FOXK2: variants seen among roughly 807,000 people sequenced by gnomAD.
FOXK2 encodes forkhead box K2.
In FOXK2, 24 loss-of-function variants were observed where a neutral mutation model predicts 53.3. That is an observed-to-expected ratio of 0.45 (90% confidence interval 0.33 to 0.63). The LOEUF (loss-of-function observed/expected upper bound fraction) is 0.63, where lower values mean the gene tolerates loss of function less well. Among genes scored for constraint, FOXK2 ranks in the 30% least tolerant of loss-of-function variants. The pLI is 0.03. For synonymous variants in FOXK2, 505 were observed against 407.1 expected, an observed-to-expected ratio of 1.24 and a Z score of -2.89; for missense variants, 952 against 910.5, an observed-to-expected ratio of 1.05 and a Z score of -0.59.
At chr17:82,554,339 G>T (rs986384049) in intron 1 of FOXK2, among the ~76,000 whole-genome samples, 3 of 152,226 alleles carry the variant, frequency 2.0e-5, no homozygotes, top group African/African-American at 7.2e-5. Context: ...TAAGGAACCT[G>T]TCTTTGGAGT....
chr17:82,535,170 G>C (rs1249935014), intron 1 of FOXK2, among the ~76,000 whole-genome samples: 1 of 152,142 alleles, frequency 6.6e-6, no homozygotes, highest in East Asian at 1.9e-4. Flanking sequence ...GTAAGCCACC[G>C]TGCCCGGCCT....
intron 1 of FOXK2, among the ~76,000 whole-genome samples, chr17:82,526,810 G>A (rs371437778): frequency 2.7e-5 from 4 of 148,466 alleles, no homozygotes; most frequent in African/African-American, 1.0e-4. Context: ...CAACCTGGGC[G>A]ACAGAGCGAG....
rs956808818 is a variant in FOXK2, at chr17:82,604,542, T to C, written c.*3043T>C. The C allele has an allele frequency of 6.6e-6, 1 of 152,646 alleles. No homozygotes were observed. Among genetic ancestry groups the C allele is most frequent in the Non-Finnish European group, 1.5e-5 (1 of 68,036 alleles). 9.5% of individuals were successfully genotyped at this position (152,646 alleles called of 1,614,324 possible). ...ATAGTGGTGATTTGTGTGCAAAGAT[T>C]TGAAGTTTTAAAAAAGTACCAAGTT... On this transcript the variant is annotated 3_prime_UTR_variant, in exon 9 of 9. Transcript: ENST00000335255.
At chr17:82,550,695 CAG>C (rs752035038) in intron 1 of FOXK2, among the ~76,000 whole-genome samples, 79 of 151,892 alleles carry the variant, frequency 5.2e-4, no homozygotes, top group Non-Finnish European at 1.1e-3. Context: ...TTAATAGAGA[CAG>C]GGTTTCACCA....
chr17:82,564,728 C>T (rs2044835267), intron 2 of FOXK2, among the ~76,000 whole-genome samples: 1 of 145,290 alleles, frequency 6.9e-6, no homozygotes, highest in Admixed American at 6.9e-5. Context: ...ATAATGTAGT[C>T]AAATGGTTTT....
chr17:82,571,259 A>G (rs2044914293), intron 3 of FOXK2, among the ~76,000 whole-genome samples: 1 of 152,066 alleles, frequency 6.6e-6, no homozygotes, highest in South Asian at 2.1e-4. Context: ...ATAGTTTTCC[A>G]TTTGTTTCCT....
intron 2 of FOXK2, 109 bp from the exon 3 acceptor site, chr17:82,567,945 T>G (rs1358090532): frequency 3.5e-6 from 2 of 568,596 alleles, no homozygotes; most frequent in East Asian, 7.9e-5. Flanking sequence ...TTTTTTTTTT[T>G]TTTAACATTT....
chr17:82,571,925 T>C, intron 4 of FOXK2, 55 bp downstream of exon 4: 1 of 1,458,672 alleles, frequency 6.9e-7, no homozygotes, highest in Non-Finnish European at 9.1e-7. Context: ...GAGAAGAAAG[T>C]GGAGCGGCTG....
chr17:82,577,503 C>T, intron 4 of FOXK2: 1 of 280,918 alleles, frequency 3.6e-6, no homozygotes, highest in Non-Finnish European at 6.7e-6. Flanking sequence ...TGCTCACTGC[C>T]CAGTCAGGGC....
At chr17:82,585,850 T>A (rs1025880589) in intron 6 of FOXK2, 54 bp from the exon 7 acceptor site, 7 of 1,558,556 alleles carry the variant, frequency 4.5e-6, no homozygotes, top group African/African-American at 1.4e-5. Context: ...GTGAGAACCT[T>A]TGTTTGTAGA....
At chr17:82,573,558 T>TCACACACACACACACACACA (rs1263537053) in intron 4 of FOXK2, among the ~76,000 whole-genome samples, 1 of 90,656 alleles carries the variant, frequency 1.1e-5, no homozygotes, top group African/African-American at 4.6e-5. Context: ...TCTCTCTCTC[T>TCACACACACACACACACACA]CTCTCACACA....
chr17:82,566,157 C>T (rs949679141), intron 2 of FOXK2, among the ~76,000 whole-genome samples: 1 of 151,942 alleles, frequency 6.6e-6, no homozygotes, highest in Admixed American at 6.6e-5. Flanking sequence ...GATGGCTGCA[C>T]CTCTGTGTGA....
At chr17:82,532,542 C>CT (rs1461726576) in intron 1 of FOXK2, among the ~76,000 whole-genome samples, 1 of 152,032 alleles carries the variant, frequency 6.6e-6, no homozygotes, top group Non-Finnish European at 1.5e-5. Flanking sequence ...ACTTTATAAA[C>CT]TAATACTTAG....
chr17:82,578,965 ACT>A (rs1241192559), intron 4 of FOXK2, among the ~76,000 whole-genome samples: 4 of 151,818 alleles, frequency 2.6e-5, no homozygotes, highest in Non-Finnish European at 4.4e-5. Context: ...AAATTAAATG[ACT>A]CCACATCAGT....
chr17:82,575,966 C>T (rs1227770621), intron 4 of FOXK2, among the ~76,000 whole-genome samples: 32 of 125,604 alleles, frequency 2.5e-4, no homozygotes, highest in African/African-American at 8.9e-4. Context: ...CGTGTGTGCT[C>T]GGGTGGCGGC....
chr17:82,586,544 T>TGGGCCGGGGGGG (rs1567985487), intron 7 of FOXK2, among the ~76,000 whole-genome samples: 1 of 82,920 alleles, frequency 1.2e-5, no homozygotes, highest in East Asian at 3.3e-4. Flanking sequence ...AGGTCAAAGG[T>TGGGCCGGGGGGG]AGGCGGAGGG....
rs538151079 is a variant in FOXK2, at chr17:82,532,612, C to T, written c.419+12305C>T. ...TTTTTGTTGTTTTTTTCTGAGACTA[C>T]GTCTCACTGTGTGGCCCAAGCTGGA... On this transcript the variant is annotated intron_variant, in intron 1 of 8. Transcript: ENST00000335255. Among the ~76,000 whole-genome samples, 72 of 152,158 alleles carry T rather than the reference C, an allele frequency of 4.7e-4. 1 individual carries two copies. The highest frequency in any genetic ancestry group is 3.4e-3 in the Middle Eastern group (1 of 294).
At position 82,601,322 on chromosome 17, in the gene FOXK2, C is replaced by T. The variant is rs2045380501; in HGVS notation, c.1806C>T (p.His602=). The T allele has an allele frequency of 1.9e-6, 3 of 1,612,642 alleles. No homozygotes were observed. The highest frequency in any genetic ancestry group is 1.3e-5 in the African/African-American group (1 of 74,910). The change falls in exon 9 of 9, where the codon CAC becomes CAT. Residue 602 remains histidine (H), a synonymous_variant. Coordinates refer to ENST00000335255, the MANE Select transcript of FOXK2 (RefSeq NM_004514.4). ...TTTCAGCCGCGGCGAGTCCTTTGCA[C>T]ATGTTGGCAACACACGCATCCGCAT... ...QVNNAAASPL[H]MLATHASASA... is the part of the protein sequence containing the mutation.
chr17:82,587,582 G>T (rs983585344), intron 8 of FOXK2: 1 of 419,250 alleles, frequency 2.4e-6, no homozygotes, highest in Non-Finnish European at 4.5e-6. Flanking sequence ...GGGAGCCGCC[G>T]CGTGTCTTTT....
Sources: allele counts gnomAD v4.1 joint callset (sites outside exome capture counted in the v4.1 genomes callset), GRCh38; gene constraint gnomAD v4.1.1; transcripts MANE v1.5; gene names NCBI Gene and HGNC (gene_info 2026-07-23, HGNC 2026-07-21).